Variants in DNAH6 observed in about 807,000 individuals in gnomAD.
DNAH6 encodes the protein dynein axonemal heavy chain 6.
DNAH6 carries 340 observed loss-of-function variants against 491.4 expected under a neutral mutation model. The ratio of observed to expected loss-of-function variants is 0.69; its 90% CI spans 0.63 to 0.76. The LOEUF is 0.76. Ranked by LOEUF, DNAH6 falls within the 30% of genes least tolerant of loss-of-function variation. DNAH6 has a pLI of 0.00. For missense variants in DNAH6, 4,443 were observed against 4,972.2 expected, an observed-to-expected ratio of 0.89 and a Z score of 3.20; for synonymous variants, 1,603 against 1,686.1, an observed-to-expected ratio of 0.95 and a Z score of 1.21.
intron 63 of DNAH6, among the ~76,000 whole-genome samples, chr2:84,749,789 A>C (rs909355156): frequency 6.6e-6 from 1 of 152,254 alleles, no homozygotes; most frequent in Non-Finnish European, 1.5e-5. Flanking sequence ...AGTCAAAAAA[A>C]GGAATTTTCC....
At chr2:84,507,463 T>G in the DNAH6 span, among the ~76,000 whole-genome samples, 1 of 152,228 alleles carries the variant, frequency 6.6e-6, no homozygotes, top group Non-Finnish European at 1.5e-5. Context: ...AAGGAGATTT[T>G]GGGCTGAGAC....
chr2:84,485,492 G>C, the DNAH6 span, among the ~76,000 whole-genome samples: 1 of 152,096 alleles, frequency 6.6e-6, no homozygotes, highest in African/African-American at 2.4e-5. Flanking sequence ...CCATCATCTG[G>C]ACTCTAGATG....
intron 9 of DNAH6, among the ~76,000 whole-genome samples, chr2:84,552,633 T>C (rs992493264): frequency 3.3e-5 from 5 of 152,206 alleles, no homozygotes; most frequent in African/African-American, 1.2e-4. Context: ...ATTATCAACT[T>C]TCTATCTTCT....
At chr2:84,763,015 G>A (rs1674737273) in intron 64 of DNAH6, 70 bp downstream of exon 64, 2 of 1,207,906 alleles carry the variant, frequency 1.7e-6, no homozygotes, top group South Asian at 1.3e-5. Flanking sequence ...ATTTGCCTTT[G>A]TTCTTCCCCT....
chr2:84,753,643 G>T (rs1673680822), intron 63 of DNAH6, among the ~76,000 whole-genome samples: 1 of 150,646 alleles, frequency 6.6e-6, no homozygotes. Flanking sequence ...TGTAATCCCA[G>T]CTACTCAGGA....
At position 84,607,102 on chromosome 2, in the gene DNAH6, A is replaced by G; in HGVS notation, c.3294+7A>G. ...TTTATTTAATCAAACACTGGTGAGT[A>G]AGAATAATTTTGATTCATACACTCA... On this transcript the variant is annotated splice_region_variant and intron_variant, in intron 21 of 76. Transcript: ENST00000389394. 1 of 1,550,856 alleles carries G rather than the reference A, an allele frequency of 6.4e-7. No homozygotes were observed. Among genetic ancestry groups the G allele is most frequent in the South Asian group, 1.2e-5 (1 of 83,984 alleles).
Position 84,569,367 on chromosome 2 carries a change from G to T in DNAH6, c.1804-4100G>T, listed in dbSNP as rs964012524. ...GATAAACCAGAAACTAAGGAAATTA[G>T]TTACCTAGAGGAGGTAATGTGAATG... On this transcript the variant is annotated intron_variant, in intron 11 of 76. Coordinates refer to ENST00000389394, the MANE Select transcript of DNAH6 (RefSeq NM_001370.2). Among the ~76,000 whole-genome samples, 6 of 152,154 alleles carry T rather than the reference G, an allele frequency of 3.9e-5. No individual in the cohort carries two copies. In the South Asian group the frequency reaches 1.2e-3, roughly 32 times the overall value.
intron 13 of DNAH6, 134 bp from the exon 14 acceptor site, chr2:84,579,393 A>G: frequency 1.1e-6 from 1 of 945,766 alleles, no homozygotes; most frequent in Non-Finnish European, 1.6e-6. Flanking sequence ...ATTTAAAGAG[A>G]AAAAAAGTCT....
intron 42 of DNAH6, among the ~76,000 whole-genome samples, chr2:84,684,695 CCT>C (rs1353416647): frequency 6.6e-6 from 1 of 152,220 alleles, no homozygotes; most frequent in Non-Finnish European, 1.5e-5. Flanking sequence ...TCTCCCTGCC[CCT>C]GTCTACAGTG....
the DNAH6 span, among the ~76,000 whole-genome samples, chr2:84,474,656 A>C: frequency 6.6e-6 from 1 of 152,242 alleles, no homozygotes; most frequent in Non-Finnish European, 1.5e-5. Flanking sequence ...TAACAGGAAT[A>C]GATGAAATGA....
chr2:84,764,476 T>G (rs575751098), intron 64 of DNAH6, among the ~76,000 whole-genome samples: 2 of 152,242 alleles, frequency 1.3e-5, no homozygotes, highest in Admixed American at 1.3e-4. Flanking sequence ...AGCAAAGATA[T>G]GGAGCTATGG....
At chr2:84,549,560 A>G (rs986169040) in intron 8 of DNAH6, among the ~76,000 whole-genome samples, 1 of 152,234 alleles carries the variant, frequency 6.6e-6, no homozygotes, top group Admixed American at 6.5e-5. Flanking sequence ...CCTTTAAAGC[A>G]TCTTTTAAAA....
intron 54 of DNAH6, among the ~76,000 whole-genome samples, chr2:84,708,867 G>T (rs1469075794): frequency 6.6e-6 from 1 of 152,102 alleles, no homozygotes; most frequent in African/African-American, 2.4e-5. Context: ...TCTCACTGGG[G>T]CCAATTGTGC....
the DNAH6 span, among the ~76,000 whole-genome samples, chr2:84,472,166 G>A: frequency 3.3e-5 from 5 of 152,018 alleles, no homozygotes; most frequent in East Asian, 9.7e-4. Flanking sequence ...AAAGCTAGAT[G>A]CAATTGCATA....
chr2:84,484,069 A>G, the DNAH6 span, among the ~76,000 whole-genome samples: 5 of 152,264 alleles, frequency 3.3e-5, no homozygotes, highest in Admixed American at 2.6e-4. Context: ...TGGCTGGGGT[A>G]GGGTATAACT....
chr2:84,663,596 G>T (rs1327790927), intron 37 of DNAH6, among the ~76,000 whole-genome samples: 2 of 152,188 alleles, frequency 1.3e-5, no homozygotes, highest in Non-Finnish European at 2.9e-5. Flanking sequence ...ATGGGACTGT[G>T]TGAAAAGACC....
At chr2:84,793,484 T>C (rs1559047950) in intron 68 of DNAH6, among the ~76,000 whole-genome samples, 2 of 144,952 alleles carry the variant, frequency 1.4e-5, no homozygotes, top group Non-Finnish European at 2.9e-5. Context: ...ATAATGTATG[T>C]TAGGACACCC....
At chr2:84,738,252 T>G (rs2105010007) in intron 62 of DNAH6, among the ~76,000 whole-genome samples, 1 of 152,314 alleles carries the variant, frequency 6.6e-6, no homozygotes, top group East Asian at 1.9e-4. Context: ...TATTGAGACT[T>G]GCTTTATGAC....
intron 11 of DNAH6, among the ~76,000 whole-genome samples, chr2:84,558,252 C>A (rs1680263995): frequency 6.6e-6 from 1 of 151,826 alleles, no homozygotes; most frequent in Non-Finnish European, 1.5e-5. Context: ...ACATTGAAAC[C>A]CCATCTCTAC....
Sources: allele counts gnomAD v4.1 joint callset (sites outside exome capture counted in the v4.1 genomes callset), GRCh38; gene constraint gnomAD v4.1.1; transcripts MANE v1.5; gene names NCBI Gene and HGNC (gene_info 2026-07-23, HGNC 2026-07-21).